The following C1QTNF3 variants were observed in gnomAD, a reference collection of about 807,000 sequenced individuals.
C1QTNF3 encodes the protein complement C1q tumor necrosis factor-related protein 3.
Under a neutral mutation model 32.6 loss-of-function variants are expected in C1QTNF3, and 26 were observed. The observed-to-expected ratio is 0.80, with a 90% confidence interval of 0.58 to 1.11. The LOEUF is 1.11. Ranked by LOEUF, C1QTNF3 falls within the 50% of genes least tolerant of loss-of-function variation. The pLI is 0.00. For synonymous variants in C1QTNF3, 155 were observed against 146.0 expected, an observed-to-expected ratio of 1.06 and a Z score of -0.44; for missense variants, 362 against 398.2, an observed-to-expected ratio of 0.91 and a Z score of 0.77.
At chr5:34,112,763 G>A in the C1QTNF3 span, among the ~76,000 whole-genome samples, 1 of 152,202 alleles carries the variant, frequency 6.6e-6, no homozygotes, top group Non-Finnish European at 1.5e-5. Flanking sequence ...AGGGGTTGTG[G>A]CCATTAATTT....
chr5:34,066,437 T>C, the C1QTNF3 span, among the ~76,000 whole-genome samples: 1 of 152,156 alleles, frequency 6.6e-6, no homozygotes, highest in Non-Finnish European at 1.5e-5. Flanking sequence ...ACAAAGTTGT[T>C]ATAGATTATA....
At chr5:34,197,642 C>T in the C1QTNF3 span, among the ~76,000 whole-genome samples, 15 of 152,194 alleles carry the variant, frequency 9.9e-5, no homozygotes, top group Admixed American at 9.2e-4. Flanking sequence ...GACTCGAAGT[C>T]TCTCATGAGT....
At chr5:34,036,952 CAA>C (rs201796642) in intron 1 of C1QTNF3, among the ~76,000 whole-genome samples, 2 of 142,106 alleles carry the variant, frequency 1.4e-5, no homozygotes, top group East Asian at 2.0e-4. Flanking sequence ...GACACAGTCT[CAA>C]AAAAAAAAAA....
the C1QTNF3 span, among the ~76,000 whole-genome samples, chr5:34,128,547 A>G: frequency 2.4e-4 from 36 of 152,350 alleles, no homozygotes; most frequent in Admixed American, 4.6e-4. Context: ...TTGCAGAGAC[A>G]CAAGAGTAGA....
At chr5:34,125,808 A>C in the C1QTNF3 span, among the ~76,000 whole-genome samples, 1 of 152,232 alleles carries the variant, frequency 6.6e-6, no homozygotes, top group African/African-American at 2.4e-5. Flanking sequence ...GGTTTTGTTG[A>C]AAATGGTAAA....
the C1QTNF3 span, among the ~76,000 whole-genome samples, chr5:34,175,019 T>C: frequency 1.3e-5 from 2 of 151,648 alleles, no homozygotes; most frequent in South Asian, 4.2e-4. Flanking sequence ...AGTGCTGGGA[T>C]TACAGGCATG....
At chr5:34,145,530 T>C in the C1QTNF3 span, among the ~76,000 whole-genome samples, 3 of 151,904 alleles carry the variant, frequency 2.0e-5, 1 homozygote, top group East Asian at 1.9e-4. Flanking sequence ...CTGGACCAGA[T>C]GGATTTACAG....
At chr5:34,209,605 T>A in the C1QTNF3 span, among the ~76,000 whole-genome samples, 13 of 152,206 alleles carry the variant, frequency 8.5e-5, no homozygotes, top group South Asian at 2.5e-3. Flanking sequence ...TTAGACTATC[T>A]CTAGCAATAG....
At chr5:34,244,584 GAC>G in the C1QTNF3 span, 3 of 152,116 alleles carry the variant, frequency 2.0e-5, no homozygotes, top group African/African-American at 7.2e-5. Context: ...AGATTAGCTA[GAC>G]ACAGAGCACT....
At chr5:34,136,136 A>G in the C1QTNF3 span, among the ~76,000 whole-genome samples, 1 of 152,238 alleles carries the variant, frequency 6.6e-6, no homozygotes. Context: ...AACAAAAGCC[A>G]AAATTGACAA....
chr5:34,167,014 T>C, the C1QTNF3 span: 5 of 152,234 alleles, frequency 3.3e-5, no homozygotes, highest in Non-Finnish European at 5.9e-5. Context: ...TGATGCTGCA[T>C]TGATGCTGTC....
At chr5:34,162,934 AAG>A in the C1QTNF3 span, among the ~76,000 whole-genome samples, 1 of 152,110 alleles carries the variant, frequency 6.6e-6, no homozygotes, top group Non-Finnish European at 1.5e-5. Flanking sequence ...TGCTACAGAG[AAG>A]AGAGAACAAG....
At chr5:34,144,762 T>C in the C1QTNF3 span, among the ~76,000 whole-genome samples, 2 of 152,124 alleles carry the variant, frequency 1.3e-5, no homozygotes, top group Admixed American at 1.3e-4. Context: ...TATCAAAATC[T>C]CTGGGATGTA....
chr5:34,154,672 T>G, the C1QTNF3 span, among the ~76,000 whole-genome samples: 7 of 152,188 alleles, frequency 4.6e-5, no homozygotes, highest in African/African-American at 1.7e-4. Flanking sequence ...TGGTACATTC[T>G]CATCTAGATC....
chr5:34,207,980 C>T, the C1QTNF3 span, among the ~76,000 whole-genome samples: 5 of 152,018 alleles, frequency 3.3e-5, no homozygotes, highest in African/African-American at 7.3e-5. Flanking sequence ...TTAGTAGAGA[C>T]GGGGTTTCAC....
chr5:34,039,652 T>A (rs1437640953), intron 1 of C1QTNF3, among the ~76,000 whole-genome samples: 1 of 152,212 alleles, frequency 6.6e-6, no homozygotes, highest in Non-Finnish European at 1.5e-5. Context: ...TTTCTCCTAT[T>A]GATCTGCCTT....
rs1009241948 is a variant in C1QTNF3, at chr5:34,037,848, A to G, written c.304-2090T>C. On this transcript the variant is annotated intron_variant, in intron 1 of 5. Transcript: ENST00000382065. ...CCCCACCTTCTAATCCAAAACTGTA[A>G]TCTGAGAAGGAAGGATTCCATATTT... 2.0e-5 allele frequency among the ~76,000 whole-genome samples: 3 copies of G among 152,202 alleles called. No homozygotes were observed. The South Asian group carries it at 6.2e-4, about 32-fold the overall frequency.
chr5:34,128,066 T>C, the C1QTNF3 span, among the ~76,000 whole-genome samples: 1 of 152,208 alleles, frequency 6.6e-6, no homozygotes, highest in Non-Finnish European at 1.5e-5. Flanking sequence ...TTTCTTGGGT[T>C]GGGCCCAGGT....
the C1QTNF3 span, among the ~76,000 whole-genome samples, chr5:34,142,856 T>C: frequency 6.6e-6 from 1 of 152,222 alleles, no homozygotes; most frequent in African/African-American, 2.4e-5. Flanking sequence ...ACAAGTACTC[T>C]GGCAATTTAA....
Sources: gnomAD v4.1 joint callset for allele counts (sites outside exome capture counted in the v4.1 genomes callset) on GRCh38, gnomAD v4.1.1 for gene constraint, MANE v1.5 for transcripts, NCBI Gene and HGNC (gene_info 2026-07-23, HGNC 2026-07-21) for gene names.